The following SLC9A9 variants were observed in gnomAD, a reference collection of about 807,000 sequenced individuals.
SLC9A9 encodes the protein solute carrier family 9 member A9, also known as sodium/hydrogen exchanger 9.
SLC9A9 carries 62 observed loss-of-function variants against 77.8 expected under a neutral mutation model. The ratio of observed to expected loss-of-function variants is 0.80; its 90% CI spans 0.65 to 0.98. The LOEUF (loss-of-function observed/expected upper bound fraction) is 0.98. Ranked by LOEUF, SLC9A9 falls within the 50% of genes least tolerant of loss-of-function variation. SLC9A9 has a pLI of 0.00. For synonymous variants in SLC9A9, 320 were observed against 283.5 expected (o/e 1.13, Z -1.29); for missense variants, 775 against 774.9 (o/e 1.00, Z 0.00).
At chr3:143,628,390 G>A (rs34210617) in intron 6 of SLC9A9, among the ~76,000 whole-genome samples, 18,786 of 152,168 alleles carry the variant, frequency 0.12, 1,472 homozygotes, top group Non-Finnish European at 0.18. Flanking sequence ...GGGCAAAATC[G>A]TCTACCATAA....
At chr3:143,340,389 T>G (rs987069428) in intron 14 of SLC9A9, among the ~76,000 whole-genome samples, 2 of 152,266 alleles carry the variant, frequency 1.3e-5, no homozygotes, top group African/African-American at 4.8e-5. Context: ...GATTACCTGC[T>G]GATTCAACAT....
chr3:143,783,782 T>C (rs922185590), intron 4 of SLC9A9, among the ~76,000 whole-genome samples: 1 of 152,194 alleles, frequency 6.6e-6, no homozygotes, highest in Admixed American at 6.5e-5. Context: ...TTGGTAATAT[T>C]GTAGTTTATA....
At chr3:143,816,093 C>A (rs369407165) in intron 2 of SLC9A9, among the ~76,000 whole-genome samples, 5 of 152,322 alleles carry the variant, frequency 3.3e-5, no homozygotes, top group South Asian at 2.1e-4. Context: ...TCTTCTCACC[C>A]AGCCCCAGAA....
At position 143,450,042 on chromosome 3, in the gene SLC9A9, T is replaced by C. The variant is rs370881133; in HGVS notation, c.1469+16995A>G. Among the ~76,000 whole-genome samples, 565 of 88,658 alleles carry C rather than the reference T, an allele frequency of 6.4e-3. 11 individuals carry two copies. The highest frequency in any genetic ancestry group is 0.037 in the African/African-American group (544 of 14,894). The allele number at this position is 88,658 out of a possible 152,430, so 58.2% of individuals were successfully genotyped here. ...TACATATAATATATATACATATATG[T>C]ATATATACACACATATATAATATGT... On this transcript the variant is annotated intron_variant, in intron 12 of 15. Transcript: ENST00000316549.
At chr3:143,786,450 G>C (rs2008061538) in intron 4 of SLC9A9, among the ~76,000 whole-genome samples, 1 of 152,116 alleles carries the variant, frequency 6.6e-6, no homozygotes, top group African/African-American at 2.4e-5. Flanking sequence ...TCGAGGTTGT[G>C]ATAGGCAGCT....
At position 143,812,401 on chromosome 3, in the gene SLC9A9, G is replaced by A. The variant is rs181392630; in HGVS notation, c.379-15498C>T. Among the ~76,000 whole-genome samples, 203 of 152,276 alleles carry A rather than the reference G, an allele frequency of 1.3e-3. 2 individuals carry two copies. The highest frequency in any genetic ancestry group is 2.1e-3 in the Non-Finnish European group (142 of 68,012). On this transcript the variant is annotated intron_variant, in intron 2 of 15. Coordinates refer to ENST00000316549, the MANE Select transcript of SLC9A9 (RefSeq NM_173653.4). ...AATTATGATATAATTCATAAAACGC[G>A]CCTGTTAAAAAAGCTGAGGAAACTG...
intron 9 of SLC9A9, among the ~76,000 whole-genome samples, chr3:143,527,382 G>T (rs1375931505): frequency 6.6e-6 from 1 of 152,164 alleles, no homozygotes; most frequent in Admixed American, 6.5e-5. Context: ...TTTATTATTA[G>T]AATTTTCTAA....
chr3:143,622,508 C>T (rs1203207498), intron 6 of SLC9A9, among the ~76,000 whole-genome samples: 1 of 152,100 alleles, frequency 6.6e-6, no homozygotes. Context: ...TCATATCCAG[C>T]CAAACTAAGC....
intron 13 of SLC9A9, among the ~76,000 whole-genome samples, chr3:143,371,093 GA>G (rs2033048591): frequency 6.6e-6 from 1 of 152,102 alleles, no homozygotes; most frequent in South Asian, 2.1e-4. Flanking sequence ...AGTCTGTGGA[GA>G]TGTTTCCCTT....
chr3:143,713,396 G>A (rs1276791194), intron 4 of SLC9A9, among the ~76,000 whole-genome samples: 1 of 152,190 alleles, frequency 6.6e-6, no homozygotes, highest in African/African-American at 2.4e-5. Flanking sequence ...TGCTGGCTGG[G>A]AGAAACCCAA....
intron 12 of SLC9A9, among the ~76,000 whole-genome samples, chr3:143,443,876 C>G (rs1044970070): frequency 1.3e-5 from 2 of 151,976 alleles, no homozygotes; most frequent in African/African-American, 4.8e-5. Context: ...TTCAATAGAC[C>G]CAGTTCTTAA....
intron 13 of SLC9A9, 93 bp downstream of exon 13, chr3:143,381,967 A>G (rs2033314025): frequency 7.0e-7 from 1 of 1,428,072 alleles, no homozygotes; most frequent in Middle Eastern, 1.8e-4. Flanking sequence ...GTTTAGAAAT[A>G]GCTCCTTGGT....
At chr3:143,390,093 A>G (rs2033523272) in intron 12 of SLC9A9, among the ~76,000 whole-genome samples, 1 of 152,202 alleles carries the variant, frequency 6.6e-6, no homozygotes, top group Non-Finnish European at 1.5e-5. Context: ...TACCAAATTG[A>G]AAACAGCTGG....
chr3:143,440,683 A>G (rs1187429058), intron 12 of SLC9A9, among the ~76,000 whole-genome samples: 1 of 152,220 alleles, frequency 6.6e-6, no homozygotes, highest in Non-Finnish European at 1.5e-5. Flanking sequence ...GCAGGTCTTT[A>G]CTGAATGTAG....
intron 12 of SLC9A9, among the ~76,000 whole-genome samples, chr3:143,441,983 A>T (rs976618518): frequency 1.3e-5 from 2 of 150,656 alleles, no homozygotes; most frequent in Non-Finnish European, 3.0e-5. Context: ...GACCACCCAT[A>T]CCCTTATTAC....
chr3:143,562,557 T>C (rs1172264391), intron 8 of SLC9A9, among the ~76,000 whole-genome samples: 1 of 151,998 alleles, frequency 6.6e-6, no homozygotes, highest in Non-Finnish European at 1.5e-5. Context: ...ATAAACTCTA[T>C]GCTTAATTGT....
At chr3:143,798,892 T>C (rs2008467005) in intron 2 of SLC9A9, among the ~76,000 whole-genome samples, 1 of 152,114 alleles carries the variant, frequency 6.6e-6, no homozygotes, top group South Asian at 2.1e-4. Flanking sequence ...TTTCCTTTTC[T>C]ACAGACCCAA....
At chr3:143,291,736 T>C (rs2029985463) in intron 14 of SLC9A9, among the ~76,000 whole-genome samples, 1 of 152,250 alleles carries the variant, frequency 6.6e-6, no homozygotes, top group Non-Finnish European at 1.5e-5. Context: ...ACTTTACTTT[T>C]AGTTTTTCTG....
At chr3:143,763,082 T>A (rs1441478294) in intron 4 of SLC9A9, among the ~76,000 whole-genome samples, 1 of 152,142 alleles carries the variant, frequency 6.6e-6, no homozygotes, top group Non-Finnish European at 1.5e-5. Context: ...TGGAGAGTCC[T>A]TATATGTCTG....
Sources: allele counts gnomAD v4.1 joint callset (sites outside exome capture counted in the v4.1 genomes callset), GRCh38; gene constraint gnomAD v4.1.1; transcripts MANE v1.5; gene names NCBI Gene and HGNC (gene_info 2026-07-23, HGNC 2026-07-21).